Variants in LINGO2 observed in about 807,000 individuals in gnomAD.
LINGO2 encodes the protein leucine-rich repeat and immunoglobulin-like domain-containing nogo receptor-interacting protein 2.
LINGO2 carries 14 observed loss-of-function variants against 30.6 expected under a neutral mutation model. The ratio of observed to expected loss-of-function variants is 0.46; its 90% CI spans 0.30 to 0.72. LINGO2 has a LOEUF of 0.72. LINGO2 is among the 30% of genes least tolerant of loss of function. The pLI is 0.07. For missense variants in LINGO2, 729 were observed against 751.7 expected, an observed-to-expected ratio of 0.97 and a Z score of 0.35; for synonymous variants, 317 against 288.5, an observed-to-expected ratio of 1.10 and a Z score of -1.00.
intron 4 of LINGO2, among the ~76,000 whole-genome samples, chr9:28,269,938 A>G (rs1402866002): frequency 2.6e-5 from 4 of 152,138 alleles, no homozygotes; most frequent in Non-Finnish European, 5.9e-5. Context: ...AACAGCAACC[A>G]CAACAAATAA....
chr9:28,276,806 A>G (rs1411519257), intron 4 of LINGO2, among the ~76,000 whole-genome samples: 3 of 152,136 alleles, frequency 2.0e-5, no homozygotes, highest in Non-Finnish European at 2.9e-5. Flanking sequence ...TTGTTCTTTT[A>G]TATTAAAAGA....
intron 4 of LINGO2, among the ~76,000 whole-genome samples, chr9:28,182,237 G>A (rs1048486237): frequency 4.6e-5 from 7 of 152,110 alleles, no homozygotes; most frequent in African/African-American, 9.7e-5. Context: ...TCAATAAATG[G>A]TGCTGGGAAA....
the LINGO2 span, among the ~76,000 whole-genome samples, chr9:28,756,687 T>C: frequency 6.6e-6 from 1 of 151,944 alleles, no homozygotes; most frequent in South Asian, 2.1e-4. Context: ...GTTCTAGTGA[T>C]AGTGAGTGAG....
At chr9:28,614,756 A>G (rs1587962560) in intron 1 of LINGO2, among the ~76,000 whole-genome samples, 1 of 152,150 alleles carries the variant, frequency 6.6e-6, no homozygotes, top group East Asian at 1.9e-4. Flanking sequence ...GTTTTGGCCA[A>G]TGGGAATGAC....
chr9:27,991,538 C>A (rs1465847482), intron 5 of LINGO2, among the ~76,000 whole-genome samples: 2 of 151,982 alleles, frequency 1.3e-5, no homozygotes, highest in South Asian at 4.1e-4. Flanking sequence ...GTCAAGGCAT[C>A]CTTATTTTTA....
intron 1 of LINGO2, among the ~76,000 whole-genome samples, chr9:28,509,380 T>C (rs1033265657): frequency 6.6e-6 from 1 of 152,232 alleles, no homozygotes; most frequent in Non-Finnish European, 1.5e-5. Context: ...GCCTTCTGCT[T>C]TTTGATTGAA....
chr9:28,775,566 A>G, the LINGO2 span, among the ~76,000 whole-genome samples: 57 of 152,190 alleles, frequency 3.7e-4, no homozygotes, highest in Non-Finnish European at 6.0e-4. Context: ...TGGGCCTCAA[A>G]CTTCCTGAAC....
intron 1 of LINGO2, among the ~76,000 whole-genome samples, chr9:28,515,899 C>G (rs1384971374): frequency 6.6e-6 from 1 of 152,122 alleles, no homozygotes; most frequent in Non-Finnish European, 1.5e-5. Context: ...TCAATTGATG[C>G]AGCAAACTTC....
chr9:28,689,326 C>A, the LINGO2 span, among the ~76,000 whole-genome samples: 2 of 152,104 alleles, frequency 1.3e-5, no homozygotes, highest in Admixed American at 1.3e-4. Flanking sequence ...GCCGACTAAT[C>A]TTGGAAGTGG....
chr9:28,612,691 C>T (rs2135791017), intron 1 of LINGO2, among the ~76,000 whole-genome samples: 1 of 152,194 alleles, frequency 6.6e-6, no homozygotes, highest in Admixed American at 6.5e-5. Flanking sequence ...ATTTTACAGG[C>T]TTGTAAGTAG....
At chr9:28,628,998 T>C (rs1826813051) in intron 1 of LINGO2, among the ~76,000 whole-genome samples, 1 of 152,086 alleles carries the variant, frequency 6.6e-6, no homozygotes, top group South Asian at 2.1e-4. Context: ...ATACAATGAG[T>C]AGCATTTATG....
At chr9:27,958,752 C>T (rs1034472770) in intron 5 of LINGO2, among the ~76,000 whole-genome samples, 8 of 150,178 alleles carry the variant, frequency 5.3e-5, no homozygotes, top group Admixed American at 2.6e-4. Flanking sequence ...GAACTTGGAA[C>T]GTATACCCTG....
At chr9:29,011,809 AT>A in the LINGO2 span, among the ~76,000 whole-genome samples, 1 of 152,178 alleles carries the variant, frequency 6.6e-6, no homozygotes, top group Non-Finnish European at 1.5e-5. Context: ...ATTATACCTT[AT>A]GAAGTAGTTC....
the LINGO2 span, among the ~76,000 whole-genome samples, chr9:28,829,746 TG>T: frequency 1.3e-5 from 2 of 151,960 alleles, no homozygotes; most frequent in Non-Finnish European, 2.9e-5. Flanking sequence ...AAAAGCTAGC[TG>T]GGTGTGGTGG....
At chr9:28,049,089 G>A (rs1824554021) in intron 4 of LINGO2, among the ~76,000 whole-genome samples, 1 of 150,946 alleles carries the variant, frequency 6.6e-6, no homozygotes, top group African/African-American at 2.4e-5. Context: ...ACAGAGTAAT[G>A]TGTTTGCACA....
intron 4 of LINGO2, among the ~76,000 whole-genome samples, chr9:28,093,131 G>A (rs1011554859): frequency 3.3e-5 from 5 of 151,996 alleles, no homozygotes; most frequent in South Asian, 2.1e-4. Context: ...TGCAATGTGC[G>A]ATGTTGCCAG....
At chr9:29,052,683 T>C in the LINGO2 span, among the ~76,000 whole-genome samples, 1 of 152,190 alleles carries the variant, frequency 6.6e-6, no homozygotes, top group South Asian at 2.1e-4. Context: ...AGCAGGCACA[T>C]CTCATTGAAC....
intron 4 of LINGO2, among the ~76,000 whole-genome samples, chr9:28,040,424 G>GTT (rs762768949): frequency 5.1e-4 from 63 of 124,286 alleles, no homozygotes; most frequent in South Asian, 8.3e-4. Context: ...ACAGCTTGAA[G>GTT]TTTTTTTTTT....
At chr9:28,099,132 T>G (rs77275428) in intron 4 of LINGO2, among the ~76,000 whole-genome samples, 3 of 152,200 alleles carry the variant, frequency 2.0e-5, no homozygotes, top group South Asian at 4.1e-4. Context: ...TAAATTAACA[T>G]AATATCTGAA....
Sources: gnomAD v4.1 joint callset for allele counts (sites outside exome capture counted in the v4.1 genomes callset) on GRCh38, gnomAD v4.1.1 for gene constraint, MANE v1.5 for transcripts, NCBI Gene and HGNC (gene_info 2026-07-23, HGNC 2026-07-21) for gene names.